LINGO2: variants seen among roughly 807,000 people sequenced by gnomAD.
LINGO2 encodes the protein leucine-rich repeat and immunoglobulin-like domain-containing nogo receptor-interacting protein 2.
Under a neutral mutation model 30.6 loss-of-function variants are expected in LINGO2, and 14 were observed. That is an observed-to-expected ratio of 0.46 (90% CI 0.30 to 0.72). The LOEUF is 0.72. Among genes scored for constraint, LINGO2 ranks in the 30% least tolerant of loss-of-function variants. The pLI is 0.07. For missense variants in LINGO2, 729 were observed against 751.7 expected (o/e 0.97, Z 0.35); for synonymous variants, 317 against 288.5 (o/e 1.10, Z -1.00).
Position 28,640,842 on chromosome 9 carries a change from C to T in LINGO2, c.-365+29358G>A, listed in dbSNP as rs78190643. Reference sequence around the variant, plus strand: ...CTCTCAACTCGTCAAAGTCATTCTCCATCCAGCTTTGTTCTGTTGCTGGTG... The same window carrying T: ...CTCTCAACTCGTCAAAGTCATTCTCTATCCAGCTTTGTTCTGTTGCTGGTG... On this transcript the variant is annotated intron_variant, in intron 1 of 5. Coordinates refer to ENST00000379992, the Ensembl canonical transcript of LINGO2. 7.2e-5 allele frequency among the ~76,000 whole-genome samples: 11 copies of T among 152,196 alleles called. 1 individual carries two copies. The highest frequency in any genetic ancestry group is 1.3e-4 in the Non-Finnish European group (9 of 68,032).
At chr9:28,021,868 AG>A (rs1234606153) in intron 4 of LINGO2, among the ~76,000 whole-genome samples, 1 of 150,840 alleles carries the variant, frequency 6.6e-6, no homozygotes, top group Non-Finnish European at 1.5e-5. Flanking sequence ...TGATCTTTAA[AG>A]TGGGTTTTCT....
At chr9:28,862,725 T>C in the LINGO2 span, among the ~76,000 whole-genome samples, 1 of 152,128 alleles carries the variant, frequency 6.6e-6, no homozygotes, top group South Asian at 2.1e-4. Flanking sequence ...TTTTCATAGT[T>C]CTGACAGTCT....
chr9:28,433,966 T>TATATACAC lies in LINGO2; in HGVS notation c.-279+41973_-279+41974insGTGTATAT, dbSNP rs752778212. Among the ~76,000 whole-genome samples, 145 of 99,960 alleles carry TATATACAC rather than the reference T, an allele frequency of 1.5e-3. 1 individual carries two copies. The highest frequency in any genetic ancestry group is 2.9e-3 in the Non-Finnish European group (123 of 42,218). The allele number at this position is 99,960 out of a possible 152,430, so 65.6% of individuals were successfully genotyped here. On this transcript the variant is annotated intron_variant, in intron 2 of 5. Coordinates refer to ENST00000379992, the Ensembl canonical transcript of LINGO2. ...CTCTCTCTCTATATATATATATATATACACACACACACATGAAAATACTAC... is the reference window on the plus strand; with the variant it reads ...CTCTCTCTCTATATATATATATATATATATACACACACACACACACATGAAAATACTAC...
At chr9:27,950,057 G>A (rs1386193221) in exon 6 of LINGO2, 2 of 1,613,994 alleles carry the variant, frequency 1.2e-6, no homozygotes, top group Non-Finnish European at 1.7e-6. Flanking sequence ...TCAGATGCAG[G>A]CTGATGAGGC....
At position 28,276,593 on chromosome 9, in the gene LINGO2, GA is replaced by G. The variant is rs1292995898; in HGVS notation, c.-87+18614del. Among the ~76,000 whole-genome samples the G allele has an allele frequency of 7.9e-5, 12 of 152,248 alleles. 1 individual carries two copies. Among genetic ancestry groups the G allele is most frequent in the Admixed American group, 5.2e-4 (8 of 15,286 alleles). ...CTTCTGATCTCCCTTCCATCTGTTG[GA>G]AAAGTCTTTGTTGGATAATACTGAT... On this transcript the variant is annotated intron_variant, in intron 4 of 5. Transcript: ENST00000379992.
At chr9:29,165,290 T>A in the LINGO2 span, among the ~76,000 whole-genome samples, 1 of 152,120 alleles carries the variant, frequency 6.6e-6, no homozygotes, top group Non-Finnish European at 1.5e-5. Flanking sequence ...GTAACTATTA[T>A]GTCCCAGATA....
chr9:28,299,498 T>C (rs1020360670), intron 3 of LINGO2, among the ~76,000 whole-genome samples: 11 of 152,240 alleles, frequency 7.2e-5, no homozygotes, highest in Admixed American at 5.9e-4. Context: ...AAAGTATTTC[T>C]CAGTAGGCAG....
exon 6 of LINGO2, chr9:27,950,156 T>C: frequency 1.2e-6 from 2 of 1,614,116 alleles, no homozygotes; most frequent in East Asian, 4.5e-5. Flanking sequence ...GCCCACTGAA[T>C]GCCCTGTGTG....
chr9:28,971,252 G>A, the LINGO2 span, among the ~76,000 whole-genome samples: 12 of 152,204 alleles, frequency 7.9e-5, no homozygotes, highest in Non-Finnish European at 1.8e-4. Flanking sequence ...AATATGTCAA[G>A]GGCCTTAGGT....
At chr9:28,246,618 A>T (rs567699960) in intron 4 of LINGO2, among the ~76,000 whole-genome samples, 1 of 152,266 alleles carries the variant, frequency 6.6e-6, no homozygotes, top group South Asian at 2.1e-4. Context: ...TGGATTAAAG[A>T]CTTAAATATA....
At chr9:28,415,951 A>G (rs1822950860) in intron 2 of LINGO2, among the ~76,000 whole-genome samples, 1 of 152,178 alleles carries the variant, frequency 6.6e-6, no homozygotes, top group African/African-American at 2.4e-5. Context: ...GTTTAACACT[A>G]TTCAGTTTAG....
intron 4 of LINGO2, among the ~76,000 whole-genome samples, chr9:28,261,839 G>T (rs1822575597): frequency 1.3e-5 from 2 of 151,910 alleles, no homozygotes; most frequent in Admixed American, 1.3e-4. Context: ...TTTGTTATAA[G>T]ATATTGTAAA....
At chr9:28,579,865 C>T (rs1824172117) in intron 1 of LINGO2, among the ~76,000 whole-genome samples, 1 of 152,092 alleles carries the variant, frequency 6.6e-6, no homozygotes, top group South Asian at 2.1e-4. Context: ...ACCATTCATA[C>T]TCCTGTCAAG....
the LINGO2 span, among the ~76,000 whole-genome samples, chr9:28,767,770 A>C: frequency 1.5e-5 from 2 of 134,178 alleles, no homozygotes; most frequent in African/African-American, 2.8e-5. Flanking sequence ...TGGGCAATAG[A>C]GCAAGACTCC....
At chr9:28,982,979 T>A in the LINGO2 span, among the ~76,000 whole-genome samples, 2 of 151,944 alleles carry the variant, frequency 1.3e-5, no homozygotes, top group Non-Finnish European at 2.9e-5. Flanking sequence ...ATTTGGTTGT[T>A]TTTTTAATGC....
the LINGO2 span, among the ~76,000 whole-genome samples, chr9:28,861,249 T>A: frequency 2.5e-5 from 3 of 121,304 alleles, no homozygotes; most frequent in South Asian, 6.7e-4. Context: ...ATATTTTTTA[T>A]ACAATATTAT....
chr9:28,683,708 C>T, the LINGO2 span, among the ~76,000 whole-genome samples: 11 of 152,218 alleles, frequency 7.2e-5, no homozygotes, highest in East Asian at 9.7e-4. Context: ...GATAAAAAAT[C>T]TAACATGAAA....
intron 4 of LINGO2, among the ~76,000 whole-genome samples, chr9:28,273,555 T>A (rs897062758): frequency 6.6e-6 from 1 of 152,112 alleles, no homozygotes; most frequent in Admixed American, 6.6e-5. Flanking sequence ...GAAAGAAAAT[T>A]CCAAGCTACC....
chr9:28,206,142 G>A (rs1052581416), intron 4 of LINGO2, among the ~76,000 whole-genome samples: 1 of 127,618 alleles, frequency 7.8e-6, no homozygotes, highest in Non-Finnish European at 1.6e-5. Context: ...TCCAGCCTGA[G>A]TGACAGAGTG....
Sources: gnomAD v4.1 joint callset for allele counts (sites outside exome capture counted in the v4.1 genomes callset) on GRCh38, gnomAD v4.1.1 for gene constraint, MANE v1.5 for transcripts, NCBI Gene and HGNC (gene_info 2026-07-23, HGNC 2026-07-21) for gene names.